AP2A2: variants seen among roughly 807,000 people sequenced by gnomAD.
The protein encoded by AP2A2 is adaptor related protein complex 2 subunit alpha 2, also known as AP-2 complex subunit alpha-2.
AP2A2 carries 32 observed loss-of-function variants against 104.2 expected under a neutral mutation model. The ratio of observed to expected loss-of-function variants is 0.31; its 90% confidence interval spans 0.23 to 0.41. The LOEUF (loss-of-function observed/expected upper bound fraction) is 0.41, where lower values mean the gene tolerates loss of function less well. Ranked by LOEUF, AP2A2 falls within the 10% of genes least tolerant of loss-of-function variation. The pLI is 1.00. For missense variants in AP2A2, 912 were observed against 1,261.0 expected (o/e 0.72, Z 4.19); for synonymous variants, 539 against 533.3 (o/e 1.01, Z -0.15).
Position 1,010,978 on chromosome 11 carries a change from C to A in AP2A2, c.*353C>A. The A allele has an allele frequency of 1.4e-6, 1 of 716,110 alleles. No individual in the cohort carries two copies. Among genetic ancestry groups the A allele is most frequent in the Non-Finnish European group, 2.6e-6 (1 of 387,482 alleles). The allele number at this position is 716,110 out of a possible 1,614,324, so 44.4% of individuals were successfully genotyped here. A position where few individuals can be genotyped will look rare whatever the true frequency, so the allele number is the denominator to read the frequency against. On this transcript the variant is annotated 3_prime_UTR_variant, in exon 22 of 22. Coordinates refer to ENST00000448903, the MANE Select transcript of AP2A2 (RefSeq NM_012305.4). ...CACTGAGATGGCCCGTGCTGCCGCC[C>A]ACCCCGCCTCGGAGCCTCTGGGAGC...
intron 1 of AP2A2, among the ~76,000 whole-genome samples, chr11:934,452 C>T (rs2134459255): frequency 6.6e-6 from 1 of 152,174 alleles, no homozygotes; most frequent in South Asian, 2.1e-4. Context: ...AATTGTAGCC[C>T]TGTCGAGAGC....
intron 10 of AP2A2, among the ~76,000 whole-genome samples, chr11:991,582 G>A (rs1310724865): frequency 5.8e-4 from 88 of 152,192 alleles, no homozygotes; most frequent in Non-Finnish European, 8.8e-5. Context: ...AGGCCTGAGG[G>A]CCCCTGGTGC....
chr11:937,861 C>G (rs1853511548), intron 1 of AP2A2, among the ~76,000 whole-genome samples: 1 of 152,144 alleles, frequency 6.6e-6, no homozygotes, highest in African/African-American at 2.4e-5. Flanking sequence ...GATAAGGAAA[C>G]TGTGGCGTGG....
At chr11:938,576 G>A (rs1853542270) in intron 1 of AP2A2, among the ~76,000 whole-genome samples, 1 of 151,440 alleles carries the variant, frequency 6.6e-6, no homozygotes, top group South Asian at 2.1e-4. Flanking sequence ...CCGGGTTCAC[G>A]CCATTCTCCT....
chr11:999,203 C>T (rs565107115), intron 14 of AP2A2, among the ~76,000 whole-genome samples: 4 of 152,278 alleles, frequency 2.6e-5, no homozygotes, highest in Admixed American at 6.5e-5. Flanking sequence ...AGATCATAGG[C>T]GCTCTTTCCT....
intron 10 of AP2A2, among the ~76,000 whole-genome samples, chr11:990,548 G>A (rs1016071658): frequency 3.3e-5 from 5 of 152,158 alleles, no homozygotes; most frequent in Non-Finnish European, 7.4e-5. Context: ...GTCTGCTCTC[G>A]CCCCTCTGCG....
chr11:963,552 C>A (rs780969243), intron 2 of AP2A2, among the ~76,000 whole-genome samples: 1 of 152,162 alleles, frequency 6.6e-6, no homozygotes, highest in Non-Finnish European at 1.5e-5. Flanking sequence ...GCTCACTGAC[C>A]GCATGTGGCA....
intron 2 of AP2A2, among the ~76,000 whole-genome samples, chr11:964,773 T>G (rs1854556064): frequency 6.9e-6 from 1 of 145,832 alleles, no homozygotes; most frequent in African/African-American, 2.6e-5. Flanking sequence ...TTAAAGGAAA[T>G]GCCAAAGGAA....
intron 3 of AP2A2, among the ~76,000 whole-genome samples, chr11:971,312 T>A (rs1467656967): frequency 2.1e-5 from 3 of 144,946 alleles, no homozygotes; most frequent in African/African-American, 7.7e-5. Flanking sequence ...GGGCTGAGGG[T>A]GGGAGGAGCA....
At chr11:940,885 C>G (rs1351874593) in intron 1 of AP2A2, 1 of 456,106 alleles carries the variant, frequency 2.2e-6, no homozygotes, top group Non-Finnish European at 4.4e-6. Flanking sequence ...CGACTCTCTT[C>G]TCTTGCTTGG....
At chr11:1,005,894 G>T (rs1020658879) in intron 16 of AP2A2, among the ~76,000 whole-genome samples, 8 of 152,264 alleles carry the variant, frequency 5.3e-5, no homozygotes, top group Middle Eastern at 3.2e-3. Flanking sequence ...AAATATTTGA[G>T]ATTTCCTTTC....
chr11:966,154 C>G (rs1256432934), intron 2 of AP2A2, among the ~76,000 whole-genome samples: 1 of 152,238 alleles, frequency 6.6e-6, no homozygotes, highest in Non-Finnish European at 1.5e-5. Context: ...CTGGGAATTT[C>G]TTATGACTGA....
chr11:994,256 C>T lies in AP2A2; in HGVS notation c.1956+11C>T, dbSNP rs763339519. On this transcript the variant is annotated intron_variant, in intron 14 of 21. Transcript: ENST00000448903. Reference sequence around the variant, plus strand: ...AGTACCAGCGCCGTGGTGGGTCCCTCACCTACTGTGCACCCAGACCTGTCA... The same window carrying T: ...AGTACCAGCGCCGTGGTGGGTCCCTTACCTACTGTGCACCCAGACCTGTCA... 17 of 1,612,238 alleles carry T rather than the reference C, an allele frequency of 1.1e-5. No individual in the cohort carries two copies. In the East Asian group the frequency reaches 1.3e-4, roughly 13 times the overall value.
rs867297207 is a variant in AP2A2 at position 977,726 on chromosome 11, G to A, written c.603+502G>A. Reference sequence around the variant, plus strand: ...GCTAGTGTGTGAGCCTCAGGGGCTTGAGGGTCACAGAGCCGTCCACCGCAT... The same window carrying A: ...GCTAGTGTGTGAGCCTCAGGGGCTTAAGGGTCACAGAGCCGTCCACCGCAT... On this transcript the variant is annotated intron_variant, in intron 5 of 21. Coordinates refer to ENST00000448903, the MANE Select transcript of AP2A2 (RefSeq NM_012305.4). 4.5e-4 allele frequency among the ~76,000 whole-genome samples: 69 copies of A among 151,954 alleles called. No homozygotes were observed. The Middle Eastern group carries it at 0.014, about 30-fold the overall frequency.
intron 17 of AP2A2, chr11:1,007,392 C>T (rs938803503): frequency 1.3e-5 from 2 of 155,766 alleles, no homozygotes; most frequent in African/African-American, 2.4e-5. Flanking sequence ...CTGACTCCTA[C>T]TGCGCCCTTC....
At position 925,879 on chromosome 11, in the gene AP2A2, C is replaced by T. The variant is rs1439376403; in HGVS notation, c.-143C>T. ...GCGCGCGCGGCGGCCCAGAAAGCGG[C>T]GCTGGGACCCTGAGGCGGCCGTGGT... On this transcript the variant is annotated 5_prime_UTR_variant, in exon 1 of 22. Transcript: ENST00000448903. 5.9e-6 allele frequency: 3 copies of T among 505,118 alleles called. No individual in the cohort carries two copies. Among genetic ancestry groups the T allele is most frequent in the Non-Finnish European group, 6.1e-6 (2 of 329,082 alleles). 31.3% of individuals were successfully genotyped at this position (505,118 alleles called of 1,614,324 possible). A position where few individuals can be genotyped will look rare whatever the true frequency, so the allele number is the denominator to read the frequency against.
intron 1 of AP2A2, among the ~76,000 whole-genome samples, chr11:955,643 A>T (rs970407075): frequency 1.3e-5 from 2 of 152,222 alleles, no homozygotes; most frequent in African/African-American, 4.8e-5. Flanking sequence ...GAGCCGCCAC[A>T]TAGGCACTTG....
At chr11:932,444 G>T (rs116651105) in intron 1 of AP2A2, among the ~76,000 whole-genome samples, 4,233 of 152,272 alleles carry the variant, frequency 0.028, 201 homozygotes, top group African/African-American at 0.094. Context: ...TGATTTTCGT[G>T]CAGACGAGTG....
intron 1 of AP2A2, among the ~76,000 whole-genome samples, chr11:957,194 G>A (rs868806060): frequency 6.6e-6 from 1 of 152,212 alleles, no homozygotes; most frequent in Non-Finnish European, 1.5e-5. Context: ...AAGGGTGCAG[G>A]TGACGTGATG....
Sources: gnomAD v4.1 joint callset for allele counts (sites outside exome capture counted in the v4.1 genomes callset) on GRCh38, gnomAD v4.1.1 for gene constraint, MANE v1.5 for transcripts, NCBI Gene and HGNC (gene_info 2026-07-23, HGNC 2026-07-21) for gene names.